USP34: variants seen among roughly 807,000 people sequenced by gnomAD.
USP34 encodes ubiquitin specific peptidase 34.
USP34 carries 70 observed loss-of-function variants against 460.3 expected under a neutral mutation model. The ratio of observed to expected loss-of-function variants is 0.15; its 90% CI spans 0.13 to 0.19. USP34 has a LOEUF of 0.19. Among genes scored for constraint, USP34 ranks in the 10% least tolerant of loss-of-function variants. The pLI, the probability that USP34 is intolerant of heterozygous loss-of-function variation, is 1.00. For synonymous variants in USP34, 1,647 were observed against 1,405.3 expected (o/e 1.17, Z -3.85); for missense variants, 3,985 against 4,236.2 (o/e 0.94, Z 1.65).
chr2:61,325,465 T>A lies in USP34; in HGVS notation c.2931-8A>T. The A allele has an allele frequency of 6.8e-7, 1 of 1,476,302 alleles. No homozygotes were observed. Among genetic ancestry groups the A allele is most frequent in the Non-Finnish European group, 9.0e-7 (1 of 1,109,088 alleles). 91.5% of individuals were successfully genotyped at this position (1,476,302 alleles called of 1,614,324 possible). A position where few individuals can be genotyped will look rare whatever the true frequency, so the allele number is the denominator to read the frequency against. On this transcript the variant is annotated splice_polypyrimidine_tract_variant and splice_region_variant and intron_variant, in intron 20 of 79. Coordinates refer to ENST00000398571, the MANE Select transcript of USP34 (RefSeq NM_014709.4). ...TCAGCACTATGGCTGTACCTATAAT[T>A]TAAAAGTCATTAAAATAATTAAATA... is the stretch of plus-strand genomic sequence containing the variant.
In USP34 at chr2:61,213,989, C is replaced by A; in HGVS notation, c.8682+71G>T. Reference sequence around the variant, plus strand: ...ACTATTCTATATTCTGCCACCACTTCCCACCAGGGGAAAAACAGGTATTTC... The same window carrying A: ...ACTATTCTATATTCTGCCACCACTTACCACCAGGGGAAAAACAGGTATTTC... On this transcript the variant is annotated intron_variant, in intron 68 of 79. Coordinates refer to ENST00000398571, the MANE Select transcript of USP34 (RefSeq NM_014709.4). The A allele has an allele frequency of 2.5e-6, 4 of 1,572,436 alleles. No individual in the cohort carries two copies. The South Asian group carries it at 4.8e-5, about 19-fold the overall frequency.
At chr2:61,260,342 G>A (rs987660467) in intron 43 of USP34, among the ~76,000 whole-genome samples, 1 of 152,064 alleles carries the variant, frequency 6.6e-6, no homozygotes, top group Non-Finnish European at 1.5e-5. Context: ...AGCCTTATAG[G>A]AAAGATCCAT....
chr2:61,244,336 C>T (rs1453358593), intron 51 of USP34, among the ~76,000 whole-genome samples: 1 of 152,172 alleles, frequency 6.6e-6, no homozygotes, highest in Admixed American at 6.5e-5. Flanking sequence ...CTATTGTTGG[C>T]TAGGTGCCAT....
At chr2:61,391,729 T>C (rs1693353143) in intron 5 of USP34, among the ~76,000 whole-genome samples, 1 of 152,118 alleles carries the variant, frequency 6.6e-6, no homozygotes, top group African/African-American at 2.4e-5. Flanking sequence ...AGGAAATTAC[T>C]ATGAAATAAA....
chr2:61,272,257 A>G (rs113894455), intron 41 of USP34, among the ~76,000 whole-genome samples: 81 of 152,064 alleles, frequency 5.3e-4, no homozygotes, highest in African/African-American at 1.8e-3. Context: ...TAAAAATACA[A>G]AAAATTAGCT....
At chr2:61,301,704 C>A (rs1690229841) in intron 27 of USP34, among the ~76,000 whole-genome samples, 1 of 152,204 alleles carries the variant, frequency 6.6e-6, no homozygotes, top group Non-Finnish European at 1.5e-5. Flanking sequence ...CAACTGGCCT[C>A]CTTGCCCTTT....
At chr2:61,416,906 T>C in intron 2 of USP34, 1 of 1,013,150 alleles carries the variant, frequency 9.9e-7, no homozygotes, top group African/African-American at 1.6e-5. Flanking sequence ...GCCAGCCACT[T>C]GTCCAGAGGG....
intron 5 of USP34, among the ~76,000 whole-genome samples, chr2:61,393,954 GT>G (rs1693435949): frequency 6.6e-6 from 1 of 151,924 alleles, no homozygotes; most frequent in Non-Finnish European, 1.5e-5. Flanking sequence ...TGGCCAACAT[GT>G]ACTCAAAATA....
At position 61,259,790 on chromosome 2, in the gene USP34, G is replaced by C; in HGVS notation, c.5779-14C>G. The C allele has an allele frequency of 1.2e-6, 2 of 1,611,132 alleles. No homozygotes were observed. The highest frequency in any genetic ancestry group is 8.5e-7 in the Non-Finnish European group (1 of 1,179,204). On this transcript the variant is annotated splice_polypyrimidine_tract_variant and intron_variant, in intron 43 of 79. Coordinates refer to ENST00000398571, the MANE Select transcript of USP34 (RefSeq NM_014709.4). Reference sequence around the variant, plus strand: ...ATCCTCTGAATACTGAAAATCAAGAGAAAACACCATTAAAAACACAGACAT... The same window carrying C: ...ATCCTCTGAATACTGAAAATCAAGACAAAACACCATTAAAAACACAGACAT...
chr2:61,403,697 A>T (rs1423322663), intron 3 of USP34, among the ~76,000 whole-genome samples: 1 of 152,100 alleles, frequency 6.6e-6, no homozygotes, highest in African/African-American at 2.4e-5. Flanking sequence ...TTTATCAAAA[A>T]GCTTTAGAGG....
intron 43 of USP34, among the ~76,000 whole-genome samples, chr2:61,263,436 C>T (rs1688955750): frequency 6.6e-6 from 1 of 151,700 alleles, no homozygotes. Context: ...CCGCCTCGGC[C>T]TTCCAAAGTG....
rs71405114 is a variant in USP34 at position 61,403,992 on chromosome 2, CAAAAAAAAAAA to C, written c.552+1705_552+1715del. On this transcript the variant is annotated intron_variant, in intron 3 of 79. Coordinates refer to ENST00000398571, the MANE Select transcript of USP34 (RefSeq NM_014709.4). ...TGGGCGACAGATCAAGACTCTATCT[CAAAAAAAAAAA>C]AAAAAAAAAAAAAAAGCTTTAGAAC... 8.9e-4 allele frequency among the ~76,000 whole-genome samples: 26 copies of C among 29,128 alleles called. 1 individual carries two copies. The highest frequency in any genetic ancestry group is 0.091 in the Middle Eastern group (2 of 22). 19.1% of individuals were successfully genotyped at this position (29,128 alleles called of 152,430 possible). A position where few individuals can be genotyped will look rare whatever the true frequency, so the allele number is the denominator to read the frequency against.
intron 5 of USP34, among the ~76,000 whole-genome samples, chr2:61,394,242 A>C (rs767871006): frequency 6.6e-6 from 1 of 152,228 alleles, no homozygotes; most frequent in African/African-American, 2.4e-5. Flanking sequence ...TACAATCTTC[A>C]TGTGTAAGAG....
intron 10 of USP34, among the ~76,000 whole-genome samples, chr2:61,367,796 A>G (rs1220721251): frequency 2.0e-5 from 3 of 152,136 alleles, no homozygotes; most frequent in African/African-American, 4.8e-5. Flanking sequence ...AAGAAAAAAG[A>G]AAAAGAGTAT....
intron 16 of USP34, among the ~76,000 whole-genome samples, chr2:61,341,400 C>G (rs1271415909): frequency 6.6e-6 from 1 of 152,168 alleles, no homozygotes; most frequent in Non-Finnish European, 1.5e-5. Flanking sequence ...TTTGTCCCCT[C>G]CAAATCTCAT....
intron 41 of USP34, among the ~76,000 whole-genome samples, chr2:61,266,791 C>G (rs900805329): frequency 1.3e-5 from 2 of 152,146 alleles, no homozygotes; most frequent in African/African-American, 2.4e-5. Context: ...CACAGTAAGA[C>G]TGAGACTCTT....
Position 61,347,934 on chromosome 2 carries a change from A to G in USP34, c.2221T>C (p.Cys741Arg), listed in dbSNP as rs1351154191. ...TGCTGTGGACCAATAAATTGTCGAC[A>G]ATTAAATAATTCATTCCCAATAGTC... ...GETIGNELFN[C>R]RQFIGPQHHH... Residue 741 changes from cysteine (C) to arginine (R), a missense_variant, in exon 15 of 80, where the codon TGT becomes CGT. By Grantham distance (180) the Cys-to-Arg change is radical. Transcript: ENST00000398571. 3.1e-6 allele frequency: 5 copies of G among 1,614,062 alleles called. No individual in the cohort carries two copies. The Admixed American group carries it at 8.3e-5, about 27-fold the overall frequency.
chr2:61,382,444 T>G (rs1393376431), intron 6 of USP34, among the ~76,000 whole-genome samples: 4 of 152,176 alleles, frequency 2.6e-5, no homozygotes, highest in Non-Finnish European at 5.9e-5. Context: ...CTAATAATCA[T>G]TTGAATAGCT....
Position 61,471,074 on chromosome 2 carries a change from A to G in USP34, c.-382T>C, listed in dbSNP as rs1226877389. 9.6e-6 allele frequency: 2 copies of G among 207,758 alleles called. No individual in the cohort carries two copies. Among genetic ancestry groups the G allele is most frequent in the East Asian group, 1.1e-4 (1 of 9,140 alleles). The allele number at this position is 207,758 out of a possible 1,614,324, so 12.9% of individuals were successfully genotyped here. A position where few individuals can be genotyped will look rare whatever the true frequency, so the allele number is the denominator to read the frequency against. The stretch of plus-strand genomic sequence containing the variant: ...GCCGACGCCGCCGCCATTTTAACAG[A>G]GCGCTCGGGCTGCGCTCGGCTCTTT... On this transcript the variant is annotated 5_prime_UTR_variant, in exon 1 of 80. Coordinates refer to ENST00000398571, the MANE Select transcript of USP34 (RefSeq NM_014709.4).
Sources: gnomAD v4.1 joint callset for allele counts (sites outside exome capture counted in the v4.1 genomes callset) on GRCh38, gnomAD v4.1.1 for gene constraint, MANE v1.5 for transcripts, NCBI Gene and HGNC (gene_info 2026-07-23, HGNC 2026-07-21) for gene names.